The following NALF1 variants were observed in gnomAD, a reference collection of about 807,000 sequenced individuals.
NALF1 encodes the protein family with sequence similarity 155 member A.
A neutral mutation model predicts 48.4 loss-of-function variants in NALF1; 3 were observed. The observed-to-expected ratio is 0.06, with a 90% confidence interval of 0.03 to 0.16. The LOEUF (loss-of-function observed/expected upper bound fraction) is 0.16. Ranked by LOEUF, NALF1 falls within the 10% of genes least tolerant of loss-of-function variation. The pLI is 1.00. For missense variants in NALF1, 526 were observed against 571.5 expected (o/e 0.92, Z 0.81); for synonymous variants, 262 against 245.7 (o/e 1.07, Z -0.62).
At chr13:107,828,464 G>A (rs976316958) in intron 1 of NALF1, among the ~76,000 whole-genome samples, 5 of 148,014 alleles carry the variant, frequency 3.4e-5, no homozygotes, top group Admixed American at 2.0e-4. Context: ...AGAAAATAGA[G>A]TGCTTTTTGT....
chr13:107,278,494 C>G (rs1333683826), intron 1 of NALF1, among the ~76,000 whole-genome samples: 1 of 152,124 alleles, frequency 6.6e-6, no homozygotes, highest in African/African-American at 2.4e-5. Context: ...TAGTCCTTAA[C>G]CCTCATAGCA....
intron 1 of NALF1, among the ~76,000 whole-genome samples, chr13:107,752,924 T>C (rs1876979641): frequency 6.6e-6 from 1 of 152,198 alleles, no homozygotes; most frequent in Admixed American, 6.5e-5. Context: ...TTTTGATCAC[T>C]CTCCCCCACA....
intron 1 of NALF1, among the ~76,000 whole-genome samples, chr13:107,738,910 C>T (rs546001606): frequency 3.0e-4 from 46 of 152,138 alleles, no homozygotes; most frequent in Middle Eastern, 3.2e-3. Context: ...GATCCGCCTG[C>T]CTCTGCCTCC....
intron 1 of NALF1, among the ~76,000 whole-genome samples, chr13:107,382,133 C>G (rs1317195956): frequency 6.6e-6 from 1 of 152,172 alleles, no homozygotes; most frequent in East Asian, 1.9e-4. Context: ...TGTGTTCATT[C>G]TATTCTTTCT....
intron 1 of NALF1, among the ~76,000 whole-genome samples, chr13:107,768,358 A>C (rs1385753450): frequency 6.6e-6 from 1 of 152,226 alleles, no homozygotes; most frequent in Non-Finnish European, 1.5e-5. Flanking sequence ...TCACAAAATA[A>C]AAATAAATAT....
intron 1 of NALF1, among the ~76,000 whole-genome samples, chr13:107,622,637 G>A (rs1404178720): frequency 6.6e-6 from 1 of 152,166 alleles, no homozygotes; most frequent in Admixed American, 6.5e-5. Context: ...CCAGGGGCTT[G>A]CAAATCATTC....
At chr13:107,275,087 G>A (rs1421422199) in intron 1 of NALF1, among the ~76,000 whole-genome samples, 6 of 152,136 alleles carry the variant, frequency 3.9e-5, no homozygotes, top group Non-Finnish European at 7.4e-5. Context: ...GAGATGATAC[G>A]TATAAGACAT....
chr13:107,363,440 A>G (rs1883100216), intron 1 of NALF1, among the ~76,000 whole-genome samples: 6 of 152,154 alleles, frequency 3.9e-5, no homozygotes, highest in Admixed American at 2.0e-4. Flanking sequence ...CAAAAATAAA[A>G]GTAAAAAGAT....
intron 2 of NALF1, among the ~76,000 whole-genome samples, chr13:107,182,566 G>A (rs571516636): frequency 3.9e-5 from 6 of 151,964 alleles, no homozygotes; most frequent in African/African-American, 1.2e-4. Context: ...CACCACACTC[G>A]GCCCTATGTG....
intron 1 of NALF1, among the ~76,000 whole-genome samples, chr13:107,747,554 C>T (rs978781632): frequency 6.6e-6 from 1 of 152,154 alleles, no homozygotes; most frequent in African/African-American, 2.4e-5. Flanking sequence ...AATGGCCAAA[C>T]TCTGGTGTAA....
intron 1 of NALF1, among the ~76,000 whole-genome samples, chr13:107,837,548 G>A (rs1879930398): frequency 6.6e-6 from 1 of 152,140 alleles, no homozygotes; most frequent in Admixed American, 6.5e-5. Context: ...TGTAAGTACA[G>A]AGGACATAAT....
intron 1 of NALF1, among the ~76,000 whole-genome samples, chr13:107,660,814 T>C (rs1392428973): frequency 6.6e-6 from 1 of 152,012 alleles, no homozygotes; most frequent in Non-Finnish European, 1.5e-5. Flanking sequence ...TCATCCACTG[T>C]AACAAATGGA....
At chr13:107,335,933 T>G (rs1248701626) in intron 1 of NALF1, among the ~76,000 whole-genome samples, 1 of 152,224 alleles carries the variant, frequency 6.6e-6, no homozygotes, top group Admixed American at 6.5e-5. Flanking sequence ...ATTAATTTTT[T>G]TTTTCAGTTT....
chr13:107,630,983 T>A (rs1348031474), intron 1 of NALF1, among the ~76,000 whole-genome samples: 1 of 152,134 alleles, frequency 6.6e-6, no homozygotes, highest in African/African-American at 2.4e-5. Flanking sequence ...GCATTTTTTC[T>A]TATTCTTTTG....
chr13:107,746,027 C>T (rs375061653), intron 1 of NALF1, among the ~76,000 whole-genome samples: 13 of 152,302 alleles, frequency 8.5e-5, no homozygotes, highest in Middle Eastern at 6.8e-3. Flanking sequence ...GAGACTTCCT[C>T]GGAGTGTTGT....
intron 1 of NALF1, among the ~76,000 whole-genome samples, chr13:107,370,950 G>A (rs1340492735): frequency 2.0e-5 from 3 of 152,100 alleles, no homozygotes; most frequent in Non-Finnish European, 2.9e-5. Flanking sequence ...AGAGGTAACT[G>A]CTCCCATGGT....
At position 107,232,223 on chromosome 13, in the gene NALF1, C is replaced by T. The variant is rs1302478747; in HGVS notation, c.916-21468G>A. Among the ~76,000 whole-genome samples the T allele has an allele frequency of 5.3e-5, 8 of 152,178 alleles. No homozygotes were observed. In the South Asian group the frequency reaches 6.2e-4, roughly 12 times the overall value. On this transcript the variant is annotated intron_variant, in intron 1 of 2. Coordinates refer to ENST00000375915, the MANE Select transcript of NALF1 (RefSeq NM_001080396.3). ...GTAAGGGCATGCCCTGTTATTCCTA[C>T]CCTGGATGCCTGGCATCTACATTAG...
At chr13:107,822,239 T>C (rs1879379924) in intron 1 of NALF1, among the ~76,000 whole-genome samples, 1 of 152,118 alleles carries the variant, frequency 6.6e-6, no homozygotes, top group Non-Finnish European at 1.5e-5. Context: ...CCATTCCTTT[T>C]TAAGAAAATG....
intron 1 of NALF1, among the ~76,000 whole-genome samples, chr13:107,743,884 T>G (rs1876707622): frequency 6.6e-6 from 1 of 152,200 alleles, no homozygotes; most frequent in Non-Finnish European, 1.5e-5. Context: ...ATGATTTCTT[T>G]AAAGGTAAAC....
Sources: gnomAD v4.1 joint callset for allele counts (sites outside exome capture counted in the v4.1 genomes callset) on GRCh38, gnomAD v4.1.1 for gene constraint, MANE v1.5 for transcripts, NCBI Gene and HGNC (gene_info 2026-07-23, HGNC 2026-07-21) for gene names.